THBD: variants seen among roughly 807,000 people sequenced by gnomAD.
The protein encoded by THBD is thrombomodulin.
For missense variants in THBD, 850 were observed against 816.9 expected (o/e 1.04, Z -0.49); for synonymous variants, 449 against 374.2 (o/e 1.20, Z -2.31).
Position 23,047,454 on chromosome 20 carries a change from G to A in THBD, c.*323C>T. ...GTCATCCCTAGCCCACGAGGTCAAG[G>A]TCTGCCCAGAAGGCTGCCGACCAAT... On this transcript the variant is annotated 3_prime_UTR_variant, in exon 1 of 1. Transcript: ENST00000377103. 2.2e-6 allele frequency: 1 copy of A among 449,368 alleles called. No homozygotes were observed. Among genetic ancestry groups the A allele is most frequent in the South Asian group, 4.3e-5 (1 of 23,518 alleles). 27.8% of individuals were successfully genotyped at this position (449,368 alleles called of 1,614,324 possible).
Position 23,049,362 on chromosome 20 carries a change from G to A in THBD, c.143C>T (p.Ala48Val). Residue 48 changes from alanine to valine, a missense_variant, in exon 1 of 1, where the codon GCC becomes GTC. Ala to Val is a moderately conservative substitution (Grantham distance 64). Transcript: ENST00000377103. ...LYPGPATFLN[A>V]SQICDGLRGH... ...CCGCAGTCCGTCGCAGATCTGACTG[G>A]CATTGAGGAAGGTCGCGGGGCCCGG... 1.2e-6 allele frequency: 2 copies of A among 1,605,626 alleles called. No individual in the cohort carries two copies. The highest frequency in any genetic ancestry group is 1.7e-6 in the Non-Finnish European group (2 of 1,177,100).
chr20:23,047,977 C>A lies in THBD; in HGVS notation c.1528G>T (p.Val510Leu), dbSNP rs555537779. ...AGCAAGCCCGAATGCACGAGCCCCA[C>A]GGCCGGAGGAGTCAAGGTGGAGCCG... ...TPGSTLTPPA[V>L]GLVHSGLLIG... The change falls in exon 1 of 1, where the codon GTG (valine) becomes TTG (leucine). Residue 510 changes from valine (V) to leucine (L), a missense_variant. Coordinates refer to ENST00000377103, the MANE Select transcript of THBD (RefSeq NM_000361.3). The A allele has an allele frequency of 3.1e-6, 5 of 1,608,588 alleles. No individual in the cohort carries two copies. Among genetic ancestry groups the A allele is most frequent in the African/African-American group, 2.7e-5 (2 of 74,896 alleles).
Position 23,047,687 on chromosome 20 carries a change from TG to T in THBD, c.*89del, listed in dbSNP as rs1212101834. 3 of 1,462,646 alleles carry T rather than the reference TG, an allele frequency of 2.1e-6. No homozygotes were observed. In the African/African-American group the frequency reaches 4.2e-5, roughly 21 times the overall value. The allele number at this position is 1,462,646 out of a possible 1,614,324, so 90.6% of individuals were successfully genotyped here. A position where few individuals can be genotyped will look rare whatever the true frequency, so the allele number is the denominator to read the frequency against. The stretch of plus-strand genomic sequence containing the variant: ...GGGTGCGGGGAGGGTCTTCTCCAGC[TG>T]TAATGCCAGCTAAGGTGCTTTGGTA... On this transcript the variant is annotated 3_prime_UTR_variant, in exon 1 of 1. Transcript: ENST00000377103.
rs1437176332 is a variant in THBD at position 23,048,728 on chromosome 20, G to A, written c.777C>T (p.Ile259=). ...NGGCEHACNA[I]PGAPRCQCPA... ...GGCACTGGCAGCGGGGAGCCCCAGG[G>A]ATCGCATTGCACGCGTGCTCGCAGC... The change falls in exon 1 of 1, where the codon ATC becomes ATT. Residue 259 remains isoleucine (I), a synonymous_variant. Transcript: ENST00000377103. 6 of 1,579,458 alleles carry A rather than the reference G, an allele frequency of 3.8e-6. No individual in the cohort carries two copies. The highest frequency in any genetic ancestry group is 5.1e-6 in the Non-Finnish European group (6 of 1,170,980).
In THBD at chr20:23,047,663, G is replaced by A; in HGVS notation, c.*114C>T. On this transcript the variant is annotated 3_prime_UTR_variant, in exon 1 of 1. Transcript: ENST00000377103. ...TGGAATAGAAGAAAACAGCTTGGGGGGTGCGGGGAGGGTCTTCTCCAGCTG... is the reference window on the plus strand; with the variant it reads ...TGGAATAGAAGAAAACAGCTTGGGGAGTGCGGGGAGGGTCTTCTCCAGCTG... 1 of 1,285,408 alleles carries A rather than the reference G, an allele frequency of 7.8e-7. No individual in the cohort carries two copies. The highest frequency in any genetic ancestry group is 1.1e-6 in the Non-Finnish European group (1 of 946,590). 79.6% of individuals were successfully genotyped at this position (1,285,408 alleles called of 1,614,324 possible). A position where few individuals can be genotyped will look rare whatever the true frequency, so the allele number is the denominator to read the frequency against.
chr20:23,048,623 G>A lies in THBD; in HGVS notation c.882C>T (p.His294=). ...GCTGGTCGGGGTTGGGAACGCAGAA[G>A]TGCTCGCAGAGGTCGTTGCAGGACT... is the stretch of plus-strand genomic sequence containing the variant. ...ATQSCNDLCE[H]FCVPNPDQPG... is the part of the protein sequence containing the mutation. The change falls in exon 1 of 1, where the codon CAC becomes CAT. Residue 294 remains histidine, a synonymous_variant. Coordinates refer to ENST00000377103, the MANE Select transcript of THBD (RefSeq NM_000361.3). The A allele has an allele frequency of 1.3e-6, 2 of 1,597,840 alleles. No homozygotes were observed. The highest frequency in any genetic ancestry group is 1.7e-6 in the Non-Finnish European group (2 of 1,179,336).
chr20:23,047,936 G>A lies in THBD; in HGVS notation c.1569C>T (p.Ile523=). The A allele has an allele frequency of 6.2e-7, 1 of 1,609,770 alleles. No homozygotes were observed. The highest frequency in any genetic ancestry group is 2.2e-5 in the East Asian group (1 of 44,700). The change falls in exon 1 of 1, where the codon ATC becomes ATT. Residue 523 remains isoleucine, a synonymous_variant. Transcript: ENST00000377103. ...GCGCCACCACCAGGCACAGGCTCGCGATGGAGATGCCTATGAGCAAGCCCG... is the reference window on the plus strand; with the variant it reads ...GCGCCACCACCAGGCACAGGCTCGCAATGGAGATGCCTATGAGCAAGCCCG... The part of the protein sequence containing the change: ...VHSGLLIGIS[I]ASLCLVVALL...
rs1984568731 is a variant in THBD at position 23,046,324 on chromosome 20, C to T, written c.*1453G>A. ...CAGTTTCTTGAAAATAAGGGCCTGA[C>T]TTGGCCTGCTACTTATAACTGATCT... is the stretch of plus-strand genomic sequence containing the variant. On this transcript the variant is annotated 3_prime_UTR_variant, in exon 1 of 1. Transcript: ENST00000377103. 6.6e-6 allele frequency: 1 copy of T among 152,348 alleles called. No individual in the cohort carries two copies. The highest frequency in any genetic ancestry group is 2.4e-5 in the African/African-American group (1 of 41,452). The allele number at this position is 152,348 out of a possible 1,614,324, so 9.4% of individuals were successfully genotyped here.
In THBD at chr20:23,049,386, G is replaced by A. The variant is rs766710327; in HGVS notation, c.119C>T (p.Pro40Leu). 17 of 1,599,800 alleles carry A rather than the reference G, an allele frequency of 1.1e-5. No individual in the cohort carries two copies. Among genetic ancestry groups the A allele is most frequent in the South Asian group, 6.8e-5 (6 of 88,654 alleles). ...CVEHDCFALYPGPATFLNASQ... is the reference protein window; with the variant it reads ...CVEHDCFALYLGPATFLNASQ... ...GGCATTGAGGAAGGTCGCGGGGCCC[G>A]GGTAGAGCGCGAAGCAGTCGTGCTC... The change falls in exon 1 of 1, where the codon CCG becomes CTG. Residue 40 changes from proline (P) to leucine (L), a missense_variant. Transcript: ENST00000377103.
rs1409176171 is a variant in THBD, at chr20:23,049,100, C to T, written c.405G>A (p.Pro135=). ...CAGCAGCGGAGACAGCGACGCACAA[C>T]GGGCCGCAGAGGGGAGCCCCATTGA... ...LDLNGAPLCG[P]LCVAVSAAEA... Residue 135 remains proline (P), a synonymous_variant, in exon 1 of 1, where the codon CCG becomes CCA. Coordinates refer to ENST00000377103, the MANE Select transcript of THBD (RefSeq NM_000361.3). 1 of 1,586,476 alleles carries T rather than the reference C, an allele frequency of 6.3e-7. No individual in the cohort carries two copies. The highest frequency in any genetic ancestry group is 2.3e-5 in the East Asian group (1 of 43,712).
rs1984690949 is a variant in THBD at position 23,049,572 on chromosome 20, C to A, written c.-68G>T. On this transcript the variant is annotated 5_prime_UTR_variant, in exon 1 of 1. Transcript: ENST00000377103. ...GCACTGCGACAGGGCCGTGCCGGAG[C>A]AGAGGGGCACAGGACGCCGATGGCG... 3 of 1,534,346 alleles carry A rather than the reference C, an allele frequency of 2.0e-6. No homozygotes were observed.
chr20:23,048,052 C>T lies in THBD; in HGVS notation c.1453G>A (p.Val485Met), dbSNP rs780683674. ...HIGTDCDSGK[V>M]DGGDSGSGEP... ...CCAGAGCCGCTGTCGCCACCGTCCA[C>T]CTTGCCGGAGTCACAGTCGGTGCCA... The change falls in exon 1 of 1, where the codon GTG becomes ATG. Residue 485 changes from valine (V) to methionine (M), a missense_variant. Coordinates refer to ENST00000377103, the MANE Select transcript of THBD (RefSeq NM_000361.3). 2.5e-6 allele frequency: 4 copies of T among 1,612,536 alleles called. No individual in the cohort carries two copies. The highest frequency in any genetic ancestry group is 2.2e-5 in the South Asian group (2 of 90,944).
Position 23,049,272 on chromosome 20 carries a change from T to C in THBD, c.233A>G (p.Asp78Gly). The change falls in exon 1 of 1, where the codon GAC (aspartate) becomes GGC (glycine). Residue 78 changes from aspartate (D) to glycine (G), a missense_variant. Physicochemically the swap from Asp to Gly is moderately conservative, Grantham distance 94. Coordinates refer to ENST00000377103, the MANE Select transcript of THBD (RefSeq NM_000361.3). ...GAGGCGCCGGCGGCCAACGCCGCCGTCGCCGTTCAGTAGCAAGGAAATGAC... is the reference window on the plus strand; with the variant it reads ...GAGGCGCCGGCGGCCAACGCCGCCGCCGCCGTTCAGTAGCAAGGAAATGAC... ...ADVISLLLNG[D>G]GGVGRRRLWI... 1.6e-6 allele frequency: 2 copies of C among 1,269,058 alleles called. No individual in the cohort carries two copies. Among genetic ancestry groups the C allele is most frequent in the Non-Finnish European group, 1.1e-6 (1 of 935,264 alleles). 78.6% of individuals were successfully genotyped at this position (1,269,058 alleles called of 1,614,324 possible).
In THBD at chr20:23,048,105, C is replaced by A. The variant is rs1403733777; in HGVS notation, c.1400G>T (p.Gly467Val). ...GTGGCGGGCAAGGGCCGAGTCGGGC[C>A]CGCAGATGCACTCGAAGGTACCGGG... ...NLPGTFECICGPDSALARHIG... is the reference protein window; with the variant it reads ...NLPGTFECICVPDSALARHIG... The change falls in exon 1 of 1, where the codon GGG becomes GTG. Residue 467 changes from glycine (G) to valine (V), a missense_variant. Transcript: ENST00000377103. 6.2e-7 allele frequency: 1 copy of A among 1,613,336 alleles called. No individual in the cohort carries two copies. The highest frequency in any genetic ancestry group is 1.7e-5 in the Admixed American group (1 of 60,018).
chr20:23,048,737 G>T lies in THBD; in HGVS notation c.768C>A (p.Cys256Ter). 1 of 1,574,598 alleles carries T rather than the reference G, an allele frequency of 6.4e-7. No individual in the cohort carries two copies. The highest frequency in any genetic ancestry group is 8.6e-7 in the Non-Finnish European group (1 of 1,168,724). Residue 256 changes from cysteine to a stop codon, truncating the protein, a stop_gained, in exon 1 of 1, where the codon TGC becomes TGA. Coordinates refer to ENST00000377103, the MANE Select transcript of THBD (RefSeq NM_000361.3). LOFTEE classifies it low-confidence loss of function (END_TRUNC). ...AGCGGGGAGCCCCAGGGATCGCATT[G>T]CACGCGTGCTCGCAGCCGCCGTTCT... Reference protein sequence around the residue: ...SVENGGCEHACNAIPGAPRCQ... With the variant: ...SVENGGCEHA
rs754357985 is a variant in THBD at position 23,049,328 on chromosome 20, T to C, written c.177A>G (p.Leu59=). ...SQICDGLRGH[L]MTVRSSVAAD... is the part of the protein sequence containing the mutation. ...CAGCCACCGAGGAGCGCACTGTCAT[T>C]AGGTGGCCCCGCAGTCCGTCGCAGA... The change falls in exon 1 of 1, where the codon CTA becomes CTG. Residue 59 remains leucine, a synonymous_variant. Coordinates refer to ENST00000377103, the MANE Select transcript of THBD (RefSeq NM_000361.3). The C allele has an allele frequency of 1.1e-5, 18 of 1,602,974 alleles. No homozygotes were observed. The Admixed American group carries it at 1.7e-4, about 15-fold the overall frequency.
rs746715496 is a variant in THBD at position 23,048,899 on chromosome 20, C to A, written c.606G>T (p.Ala202=). 7.2e-6 allele frequency: 11 copies of A among 1,519,456 alleles called. No individual in the cohort carries two copies. Among genetic ancestry groups the A allele is most frequent in the South Asian group, 1.2e-5 (1 of 82,494 alleles). The allele number at this position is 1,519,456 out of a possible 1,614,324, so 94.1% of individuals were successfully genotyped here. The part of the protein sequence containing the change: ...TYGTPFAARG[A]DFQALPVGSS... ...TGCCCACCGGCAGCGCCTGGAAGTCCGCTCCGCGGGCCGCGAACGGGGTGC... is the reference window on the plus strand; with the variant it reads ...TGCCCACCGGCAGCGCCTGGAAGTCAGCTCCGCGGGCCGCGAACGGGGTGC... Residue 202 remains alanine, a synonymous_variant, in exon 1 of 1, where the codon GCG becomes GCT. Coordinates refer to ENST00000377103, the MANE Select transcript of THBD (RefSeq NM_000361.3).
In THBD at chr20:23,047,796, C is replaced by A. The variant is rs1461308245; in HGVS notation, c.1709G>T (p.Arg570Leu). ...GGCCGCTCAGAGTCTCTGCGGCGTC[C>A]GCTCGGTCCGCACGTGCTGCAGCAC... ...EVVLQHVRTE[R>L]TPQRL Residue 570 changes from arginine to leucine, a missense_variant, in exon 1 of 1, where the codon CGG becomes CTG. By Grantham distance (102) the Arg-to-Leu change is moderately radical. Transcript: ENST00000377103. 2 of 1,590,512 alleles carry A rather than the reference C, an allele frequency of 1.3e-6. No homozygotes were observed. Among genetic ancestry groups the A allele is most frequent in the Non-Finnish European group, 1.7e-6 (2 of 1,169,564 alleles).
rs567418032 is a variant in THBD at position 23,049,193 on chromosome 20, G to T, written c.312C>A (p.Pro104=). 2 of 1,566,710 alleles carry T rather than the reference G, an allele frequency of 1.3e-6. No individual in the cohort carries two copies. Among genetic ancestry groups the T allele is most frequent in the East Asian group, 2.3e-5 (1 of 42,918 alleles). Reference sequence around the variant, plus strand: ...CCGTAACCCACTGGAAGCCGCGCAGGGGCCCGAGGCGCTTGGGGTCGCCGC... The same window carrying T: ...CCGTAACCCACTGGAAGCCGCGCAGTGGCCCGAGGCGCTTGGGGTCGCCGC... ...PGCGDPKRLG[P]LRGFQWVTGD... Residue 104 remains proline (P), a synonymous_variant, in exon 1 of 1, where the codon CCC becomes CCA. Coordinates refer to ENST00000377103, the MANE Select transcript of THBD (RefSeq NM_000361.3).
Sources: allele counts gnomAD v4.1 joint callset, GRCh38; gene constraint gnomAD v4.1.1; transcripts MANE v1.5; gene names NCBI Gene and HGNC (gene_info 2026-07-23, HGNC 2026-07-21).